MORC1: variants seen among roughly 807,000 people sequenced by gnomAD.
MORC1 encodes MORC family CW-type zinc finger 1.
In MORC1, 59 loss-of-function variants were observed where a neutral mutation model predicts 134.9. The ratio of observed to expected loss-of-function variants is 0.44; its 90% CI spans 0.35 to 0.54. MORC1 has a LOEUF of 0.54. Among genes scored for constraint, MORC1 ranks in the 20% least tolerant of loss-of-function variants. MORC1 has a pLI of 0.00. For synonymous variants in MORC1, 395 were observed against 391.7 expected, an observed-to-expected ratio of 1.01 and a Z score of -0.10; for missense variants, 947 against 1,134.5, an observed-to-expected ratio of 0.83 and a Z score of 2.37.
intron 17 of MORC1, among the ~76,000 whole-genome samples, chr3:109,016,974 A>C (rs972320276): frequency 2.0e-5 from 3 of 152,176 alleles, no homozygotes; most frequent in African/African-American, 7.2e-5. Flanking sequence ...AACATTGTCT[A>C]ATCTCTCCTA....
At chr3:109,039,008 C>A (rs1949448508) in intron 14 of MORC1, among the ~76,000 whole-genome samples, 1 of 152,110 alleles carries the variant, frequency 6.6e-6, no homozygotes, top group African/African-American at 2.4e-5. Flanking sequence ...CCTCTGCCTC[C>A]TGGGTTCAAG....
At chr3:109,038,797 A>G (rs901984628) in intron 14 of MORC1, among the ~76,000 whole-genome samples, 7 of 152,230 alleles carry the variant, frequency 4.6e-5, no homozygotes, top group Non-Finnish European at 7.4e-5. Flanking sequence ...ATTGGTCTAT[A>G]TATCTGTTTT....
At chr3:109,060,364 T>G (rs1950051756) in intron 11 of MORC1, among the ~76,000 whole-genome samples, 1 of 151,932 alleles carries the variant, frequency 6.6e-6, no homozygotes, top group Admixed American at 6.6e-5. Flanking sequence ...AACTTTCCCT[T>G]TATAGGATAC....
chr3:108,960,147 C>T (rs1208426925), intron 27 of MORC1, among the ~76,000 whole-genome samples: 2 of 152,206 alleles, frequency 1.3e-5, no homozygotes, highest in East Asian at 3.8e-4. Flanking sequence ...GTCCACATCC[C>T]TTTGCAAGGA....
chr3:108,995,891 G>A (rs1246287394), intron 21 of MORC1, among the ~76,000 whole-genome samples: 6 of 152,244 alleles, frequency 3.9e-5, no homozygotes, highest in Middle Eastern at 3.4e-3. Context: ...GCCATATATC[G>A]GTGGACCTTG....
chr3:108,970,673 G>A (rs957701954), intron 25 of MORC1, among the ~76,000 whole-genome samples: 3 of 152,252 alleles, frequency 2.0e-5, no homozygotes, highest in Admixed American at 6.5e-5. Flanking sequence ...TGGAGAAAAG[G>A]CCTCCCACCC....
intron 20 of MORC1, among the ~76,000 whole-genome samples, chr3:109,001,408 C>T (rs1306822600): frequency 3.3e-5 from 5 of 152,176 alleles, no homozygotes; most frequent in African/African-American, 4.8e-5. Context: ...TACTTTTGCA[C>T]GAATCTATAA....
chr3:108,979,717 C>A, intron 23 of MORC1, 50 bp from the exon 24 acceptor site: 1 of 1,590,880 alleles, frequency 6.3e-7, no homozygotes, highest in Non-Finnish European at 8.6e-7. Flanking sequence ...TTAATAATTT[C>A]AGAAACACTA....
At chr3:109,114,995 C>T (rs537805699) in intron 1 of MORC1, among the ~76,000 whole-genome samples, 1 of 152,176 alleles carries the variant, frequency 6.6e-6, no homozygotes, top group African/African-American at 2.4e-5. Flanking sequence ...CCTGTACCCT[C>T]GAATGCCAGG....
At chr3:108,978,099 G>A (rs1470576978) in intron 24 of MORC1, among the ~76,000 whole-genome samples, 3 of 151,934 alleles carry the variant, frequency 2.0e-5, no homozygotes, top group African/African-American at 4.8e-5. Flanking sequence ...GGATGGTCTC[G>A]ATCTCCTGAC....
At chr3:109,017,699 CT>C (rs1188486944) in intron 17 of MORC1, among the ~76,000 whole-genome samples, 1 of 152,098 alleles carries the variant, frequency 6.6e-6, no homozygotes, top group African/African-American at 2.4e-5. Flanking sequence ...CACAGTTAAC[CT>C]ACTTCAAAAT....
At chr3:109,053,521 G>GAA (rs35197349) in intron 14 of MORC1, among the ~76,000 whole-genome samples, 11 of 147,648 alleles carry the variant, frequency 7.5e-5, no homozygotes, top group African/African-American at 1.2e-4. Context: ...AACTAATGCA[G>GAA]AAAAAAAAAA....
At chr3:108,982,331 A>G (rs1380366936) in intron 23 of MORC1, among the ~76,000 whole-genome samples, 1 of 152,196 alleles carries the variant, frequency 6.6e-6, no homozygotes, top group Non-Finnish European at 1.5e-5. Flanking sequence ...ACTATTGTGG[A>G]AGACAGTGTG....
intron 14 of MORC1, among the ~76,000 whole-genome samples, chr3:109,043,016 ATAAT>A (rs1949591699): frequency 6.6e-6 from 1 of 152,142 alleles, no homozygotes; most frequent in Non-Finnish European, 1.5e-5. Flanking sequence ...CATTGTGACT[ATAAT>A]TAATAACAAT....
rs1196162174 is a variant in MORC1, at chr3:109,012,378, T to C, written c.1705-5287A>G. Among the ~76,000 whole-genome samples the C allele has an allele frequency of 4.6e-5, 7 of 152,342 alleles. No homozygotes were observed. The East Asian group carries it at 1.3e-3, about 29-fold the overall frequency. On this transcript the variant is annotated intron_variant, in intron 17 of 27. Coordinates refer to ENST00000232603, the MANE Select transcript of MORC1 (RefSeq NM_014429.4). ...TTATGAGTATTAAAATTAGGTAGTATGATTCCTCCATCTTTGTTCTTTTTT... is the reference window on the plus strand; with the variant it reads ...TTATGAGTATTAAAATTAGGTAGTACGATTCCTCCATCTTTGTTCTTTTTT...
At chr3:109,115,925 G>A (rs1432483530) in intron 1 of MORC1, among the ~76,000 whole-genome samples, 1 of 151,778 alleles carries the variant, frequency 6.6e-6, no homozygotes, top group East Asian at 1.9e-4. Context: ...AGCACCTCTT[G>A]GTAAAAGGTA....
intron 27 of MORC1, among the ~76,000 whole-genome samples, chr3:108,962,867 C>G (rs1042126495): frequency 1.3e-5 from 2 of 152,086 alleles, no homozygotes; most frequent in Non-Finnish European, 2.9e-5. Flanking sequence ...TTCCTGACTT[C>G]TCCAAAACTG....
chr3:108,963,657 T>G (rs751682447), intron 26 of MORC1, 49 bp from the exon 27 acceptor site: 92 of 1,219,652 alleles, frequency 7.5e-5, no homozygotes, highest in Non-Finnish European at 1.0e-4. Context: ...AATATTACTT[T>G]CCCTCTAATA....
intron 17 of MORC1, among the ~76,000 whole-genome samples, chr3:109,009,571 G>A (rs1366825461): frequency 6.6e-6 from 1 of 152,168 alleles, no homozygotes; most frequent in East Asian, 1.9e-4. Context: ...GAATATAAAA[G>A]TCTTGGTTTA....
Sources: allele counts gnomAD v4.1 joint callset (sites outside exome capture counted in the v4.1 genomes callset), GRCh38; gene constraint gnomAD v4.1.1; transcripts MANE v1.5; gene names NCBI Gene and HGNC (gene_info 2026-07-23, HGNC 2026-07-21).